Variants in PIR observed in about 807,000 individuals in gnomAD.
The protein encoded by PIR is pirin.
In PIR, 22 loss-of-function variants were observed where a neutral mutation model predicts 24.2. The ratio of observed to expected loss-of-function variants is 0.91; its 90% confidence interval spans 0.65 to 1.30. The LOEUF is 1.30. Ranked by LOEUF, PIR falls within the 50% of genes most tolerant of loss-of-function variation. The pLI is 0.00. For missense variants in PIR, 220 were observed against 220.3 expected, an observed-to-expected ratio of 1.00 and a Z score of 0.01; for synonymous variants, 80 against 79.6, an observed-to-expected ratio of 1.00 and a Z score of -0.03.
At position 15,473,035 on chromosome X, in the gene PIR, C is replaced by T. The variant is rs553421433; in HGVS notation, c.189+6694G>A. 1.5e-4 allele frequency among the ~76,000 whole-genome samples: 17 copies of T among 112,480 alleles called. 1 individual carries two copies. The South Asian group carries it at 5.9e-3, about 39-fold the overall frequency. Reference sequence around the variant, plus strand: ...GCTACACTATGCCACAAGAATTGTGCACCTTGCCTCTGTCACTTTCCAAAT... The same window carrying T: ...GCTACACTATGCCACAAGAATTGTGTACCTTGCCTCTGTCACTTTCCAAAT... On this transcript the variant is annotated intron_variant, in intron 3 of 9. Transcript: ENST00000380420.
chrX:15,405,169 T>G (rs187838529), intron 7 of PIR, among the ~76,000 whole-genome samples: 1 of 111,883 alleles, frequency 8.9e-6, no homozygotes, highest in Non-Finnish European at 1.9e-5. Context: ...CAATTACTCG[T>G]TAATTTCTTT....
At chrX:15,413,832 C>A (rs758344636) in intron 6 of PIR, among the ~76,000 whole-genome samples, 2 of 111,832 alleles carry the variant, frequency 1.8e-5, no homozygotes, top group East Asian at 5.6e-4. Context: ...AACGATCATA[C>A]TACAGGCTGT....
intron 3 of PIR, among the ~76,000 whole-genome samples, chrX:15,460,486 C>T (rs1343475062): frequency 9.0e-6 from 1 of 111,362 alleles, no homozygotes; most frequent in Non-Finnish European, 1.9e-5. Context: ...ATAAGCCAGA[C>T]ACAGAGGGAC....
chrX:15,387,058 TTTTTCTTTTC>T (rs1395772237), intron 9 of PIR, among the ~76,000 whole-genome samples: 4 of 69,891 alleles, frequency 5.7e-5, no homozygotes, highest in African/African-American at 1.6e-4. Context: ...TTTTGTTTTG[TTTTTCTTTTC>T]TTTTCTTTTT....
intron 9 of PIR, among the ~76,000 whole-genome samples, chrX:15,386,919 C>A (rs773626216): frequency 4.6e-5 from 5 of 109,707 alleles, no homozygotes; most frequent in African/African-American, 6.7e-5. Flanking sequence ...TTAAAGAAGA[C>A]TTTGGCATCA....
intron 6 of PIR, among the ~76,000 whole-genome samples, chrX:15,420,979 T>C (rs1432099645): frequency 8.9e-6 from 1 of 112,098 alleles, no homozygotes; most frequent in East Asian, 2.8e-4. Flanking sequence ...TATTTGCATA[T>C]ATGTGAATGC....
At chrX:15,474,681 C>T (rs1040231998) in intron 3 of PIR, among the ~76,000 whole-genome samples, 1 of 111,813 alleles carries the variant, frequency 8.9e-6, no homozygotes, top group African/African-American at 3.3e-5. Context: ...GATTTGTGTG[C>T]TTCACTGTAA....
intron 7 of PIR, among the ~76,000 whole-genome samples, chrX:15,398,385 A>G (rs1924250506): frequency 8.9e-6 from 1 of 111,953 alleles, no homozygotes; most frequent in African/African-American, 3.3e-5. Context: ...GCAAAGTTCA[A>G]TAAGAGAACA....
intron 6 of PIR, among the ~76,000 whole-genome samples, chrX:15,420,513 T>C (rs1355198634): frequency 8.9e-6 from 1 of 111,858 alleles, no homozygotes; most frequent in Non-Finnish European, 1.9e-5. Context: ...TGACCATCCC[T>C]GGAAACCTGT....
At position 15,397,503 on chromosome X, in the gene PIR, T is replaced by A. The variant is rs1924207737; in HGVS notation, c.639A>T (p.Glu213Asp). Reference sequence around the variant, plus strand: ...CTCCAAGCACTGCTGTGTGATGAGGTTCTATTTTTTGTTGTGCATCATCGG... The same window carrying A: ...CTCCAAGCACTGCTGTGTGATGAGGATCTATTTTTTGTTGTGCATCATCGG... The part of the protein sequence containing the change: ...IGPDDAQQKI[E>D]PHHTAVLGEG... Residue 213 changes from glutamate (E) to aspartate (D), a missense_variant, in exon 8 of 10, where the codon GAA (glutamate) becomes GAT (aspartate). Physicochemically the swap from Glu to Asp is conservative, Grantham distance 45. Coordinates refer to ENST00000380420, the MANE Select transcript of PIR (RefSeq NM_001018109.3). 2 of 1,207,301 alleles carry A rather than the reference T, an allele frequency of 1.7e-6. No individual in the cohort carries two copies. Among genetic ancestry groups the A allele is most frequent in the Non-Finnish European group, 2.2e-6 (2 of 891,347 alleles).
chrX:15,484,184 G>C (rs781487464), intron 2 of PIR, among the ~76,000 whole-genome samples: 1 of 110,846 alleles, frequency 9.0e-6, no homozygotes, highest in South Asian at 3.9e-4. Context: ...TTAAAGAGTA[G>C]AGGCTGGAAG....
At chrX:15,419,962 C>T (rs368667742) in intron 6 of PIR, among the ~76,000 whole-genome samples, 12 of 109,554 alleles carry the variant, frequency 1.1e-4, no homozygotes, top group Non-Finnish European at 1.7e-4. Flanking sequence ...TTTGGGAGGC[C>T]GAGGTGGGCG....
At chrX:15,415,117 C>A (rs1569197373) in intron 6 of PIR, among the ~76,000 whole-genome samples, 1 of 111,533 alleles carries the variant, frequency 9.0e-6, no homozygotes, top group Non-Finnish European at 1.9e-5. Flanking sequence ...TGGTGCAGGA[C>A]AAGATGGCAG....
intron 6 of PIR, among the ~76,000 whole-genome samples, chrX:15,409,159 T>C (rs1346476987): frequency 1.0e-5 from 1 of 98,913 alleles, no homozygotes; most frequent in Non-Finnish European, 2.0e-5. Context: ...AGTGCAGTGG[T>C]GCGATCTCCG....
intron 8 of PIR, among the ~76,000 whole-genome samples, chrX:15,394,864 A>G (rs900483473): frequency 8.9e-6 from 1 of 112,213 alleles, no homozygotes; most frequent in African/African-American, 3.2e-5. Flanking sequence ...CTTTTGCATC[A>G]TCCCTTCCTT....
intron 4 of PIR, among the ~76,000 whole-genome samples, chrX:15,457,225 G>A (rs1921119178): frequency 8.9e-6 from 1 of 111,738 alleles, no homozygotes; most frequent in South Asian, 3.8e-4. Flanking sequence ...CTGACCAAGA[G>A]TTCCCATGGG....
At chrX:15,419,896 CAAAA>C (rs1182655132) in intron 6 of PIR, among the ~76,000 whole-genome samples, 2 of 89,920 alleles carry the variant, frequency 2.2e-5, no homozygotes, top group Admixed American at 1.3e-4. Context: ...AACTCCGTGT[CAAAA>C]AAAAAAAAGT....
chrX:15,435,788 G>A (rs1454027401), intron 5 of PIR, among the ~76,000 whole-genome samples: 1 of 112,026 alleles, frequency 8.9e-6, no homozygotes, highest in Non-Finnish European at 1.9e-5. Flanking sequence ...TCCTGGAGAT[G>A]GTAAGGCTTT....
intron 2 of PIR, among the ~76,000 whole-genome samples, chrX:15,486,295 T>G: frequency 8.1e-5 from 1 of 12,393 alleles, no homozygotes; most frequent in East Asian, 0.04. Context: ...TGAGACTCTG[T>G]CTCAAAAAAA....
Sources: allele counts gnomAD v4.1 joint callset (sites outside exome capture counted in the v4.1 genomes callset), GRCh38; gene constraint gnomAD v4.1.1; transcripts MANE v1.5; gene names NCBI Gene and HGNC (gene_info 2026-07-23, HGNC 2026-07-21).